The following SDK1 variants were observed in gnomAD, a reference collection of about 807,000 sequenced individuals.
The protein encoded by SDK1 is sidekick cell adhesion molecule 1.
In SDK1, 157 loss-of-function variants were observed where a neutral mutation model predicts 245.5. The observed-to-expected ratio is 0.64, with a 90% CI of 0.56 to 0.73. SDK1 has a LOEUF of 0.73. SDK1 is among the 30% of genes least tolerant of loss of function. SDK1 has a pLI of 0.00. For synonymous variants in SDK1, 1,647 were observed against 1,278.5 expected (o/e 1.29, Z -6.15); for missense variants, 3,583 against 3,002.3 (o/e 1.19, Z -4.52).
chr7:3,479,289 G>A (rs1367880016), intron 1 of SDK1, among the ~76,000 whole-genome samples: 4 of 151,880 alleles, frequency 2.6e-5, no homozygotes, highest in African/African-American at 7.3e-5. Context: ...AGGCCTGGTG[G>A]TGTGTGCCTG....
chr7:3,950,979 A>G lies in SDK1; in HGVS notation c.904A>G (p.Arg302Gly). 1 of 1,614,096 alleles carries G rather than the reference A, an allele frequency of 6.2e-7. No individual in the cohort carries two copies. The highest frequency in any genetic ancestry group is 8.5e-7 in the Non-Finnish European group (1 of 1,179,994). Residue 302 changes from arginine (R) to glycine (G), a missense_variant, in exon 6 of 45, where the codon AGA becomes GGA. Arg to Gly is a moderately radical substitution (Grantham distance 125). Coordinates refer to ENST00000404826, the MANE Select transcript of SDK1 (RefSeq NM_152744.4). ...AACCATTGTGGTTCCCCCGGGCAAC[A>G]GAAGTGTGGTGGCTGGATCCAGTGA... ...APTIVVPPGNRSVVAGSSETT... is the reference protein window; with the variant it reads ...APTIVVPPGNGSVVAGSSETT...
chr7:4,029,509 C>A (rs974088757), intron 17 of SDK1, among the ~76,000 whole-genome samples: 3 of 149,970 alleles, frequency 2.0e-5, no homozygotes, highest in African/African-American at 7.6e-5. Context: ...CTATGCCCTG[C>A]CGATTTTCTT....
intron 40 of SDK1, among the ~76,000 whole-genome samples, chr7:4,221,956 A>T (rs1003982599): frequency 3.3e-5 from 5 of 152,180 alleles, no homozygotes; most frequent in African/African-American, 1.2e-4. Context: ...GGTGCGTCGG[A>T]TATGACTGCT....
At chr7:3,522,389 G>A (rs773572256) in intron 1 of SDK1, among the ~76,000 whole-genome samples, 30 of 152,170 alleles carry the variant, frequency 2.0e-4, no homozygotes, top group Admixed American at 6.5e-5. Flanking sequence ...TCTTTAATTC[G>A]GAGACAATGC....
intron 5 of SDK1, among the ~76,000 whole-genome samples, chr7:3,901,930 G>A (rs10258950): frequency 0.031 from 4,785 of 152,176 alleles, 278 homozygotes; most frequent in African/African-American, 0.11. Context: ...AGATTTGGCT[G>A]CTGGGCATGG....
chr7:4,041,092 C>T (rs1033002746), intron 17 of SDK1, among the ~76,000 whole-genome samples: 1 of 152,132 alleles, frequency 6.6e-6, no homozygotes, highest in Non-Finnish European at 1.5e-5. Context: ...TGGTCCTGTG[C>T]CTGGTACAGA....
At chr7:3,586,005 G>A (rs1043963228) in intron 1 of SDK1, among the ~76,000 whole-genome samples, 1 of 152,196 alleles carries the variant, frequency 6.6e-6, no homozygotes, top group African/African-American at 2.4e-5. Flanking sequence ...AATATGGGCT[G>A]CAGAGCTGAT....
At chr7:3,366,457 C>G (rs1387331683) in intron 1 of SDK1, among the ~76,000 whole-genome samples, 3 of 151,838 alleles carry the variant, frequency 2.0e-5, no homozygotes, top group Admixed American at 6.6e-5. Context: ...GGTAATTTTG[C>G]CATGTGTACT....
At chr7:3,566,892 T>C (rs1779937617) in intron 1 of SDK1, among the ~76,000 whole-genome samples, 1 of 152,052 alleles carries the variant, frequency 6.6e-6, no homozygotes, top group African/African-American at 2.4e-5. Flanking sequence ...CTTATTACAC[T>C]AGCAAGAGTT....
chr7:3,326,653 A>C (rs1454786879), intron 1 of SDK1, among the ~76,000 whole-genome samples: 2 of 152,170 alleles, frequency 1.3e-5, no homozygotes, highest in Non-Finnish European at 2.9e-5. Flanking sequence ...ACTGCTTTCT[A>C]AATTAATTAT....
At chr7:4,065,049 G>A (rs1378634796) in intron 19 of SDK1, among the ~76,000 whole-genome samples, 3 of 152,048 alleles carry the variant, frequency 2.0e-5, no homozygotes, top group Non-Finnish European at 4.4e-5. Flanking sequence ...AAATACCAAG[G>A]AAAGAGGATT....
At chr7:3,777,140 A>G (rs377266744) in intron 4 of SDK1, among the ~76,000 whole-genome samples, 20 of 152,284 alleles carry the variant, frequency 1.3e-4, no homozygotes, top group African/African-American at 4.8e-4. Context: ...GGATGAGATA[A>G]AAGTGTCACT....
intron 4 of SDK1, chr7:3,643,252 G>C (rs1782709077): frequency 6.7e-6 from 1 of 150,028 alleles, no homozygotes; most frequent in Non-Finnish European, 1.5e-5. Context: ...TAAACCTCAT[G>C]ATTCTCATCT....
At chr7:3,422,276 C>A (rs1003318659) in intron 1 of SDK1, among the ~76,000 whole-genome samples, 2 of 152,010 alleles carry the variant, frequency 1.3e-5, no homozygotes, top group Admixed American at 6.6e-5. Flanking sequence ...ATTATTCTAA[C>A]TTTGAATCCT....
rs552766379 is a variant in SDK1, at chr7:4,136,929, G to A, written c.4228+4506G>A. Among the ~76,000 whole-genome samples, 8 of 152,332 alleles carry A rather than the reference G, an allele frequency of 5.3e-5. No individual in the cohort carries two copies. In the East Asian group the frequency reaches 1.2e-3, roughly 22 times the overall value. ...CCCACAGGCCACGGCATCTAGGCTC[G>A]GCCAGCGTGGGCGTCCTGGGGCGAT... On this transcript the variant is annotated intron_variant, in intron 28 of 44. Transcript: ENST00000404826.
intron 1 of SDK1, among the ~76,000 whole-genome samples, chr7:3,340,661 G>T (rs955569533): frequency 1.3e-5 from 2 of 151,798 alleles, no homozygotes; most frequent in Non-Finnish European, 2.9e-5. Flanking sequence ...TACTCAGGAG[G>T]CTGAGGCAGG....
At chr7:3,629,806 A>G (rs893880355) in intron 2 of SDK1, among the ~76,000 whole-genome samples, 1 of 152,250 alleles carries the variant, frequency 6.6e-6, no homozygotes, top group African/African-American at 2.4e-5. Flanking sequence ...CAGATGCAGG[A>G]AAGCATGACC....
At chr7:3,569,383 C>G (rs900109009) in intron 1 of SDK1, among the ~76,000 whole-genome samples, 1 of 152,124 alleles carries the variant, frequency 6.6e-6, no homozygotes, top group Admixed American at 6.5e-5. Flanking sequence ...CACCTGGTTC[C>G]CAAGGTTCAT....
chr7:3,678,397 C>G (rs187576484), intron 4 of SDK1, among the ~76,000 whole-genome samples: 2 of 152,266 alleles, frequency 1.3e-5, no homozygotes, highest in East Asian at 3.9e-4. Flanking sequence ...AATGGATTAA[C>G]AAAATATGGT....
Sources: allele counts gnomAD v4.1 joint callset (sites outside exome capture counted in the v4.1 genomes callset), GRCh38; gene constraint gnomAD v4.1.1; transcripts MANE v1.5; gene names NCBI Gene and HGNC (gene_info 2026-07-23, HGNC 2026-07-21).